Variants in NEXMIF observed in about 807,000 individuals in gnomAD.
NEXMIF encodes the protein XLMR protein related to neurite extension.
Under a neutral mutation model 62.1 loss-of-function variants are expected in NEXMIF, and 8 were observed. The ratio of observed to expected loss-of-function variants is 0.13; its 90% confidence interval spans 0.08 to 0.23. The LOEUF is 0.23. Among genes scored for constraint, NEXMIF ranks in the 10% least tolerant of loss-of-function variants. The probability of loss-of-function intolerance (pLI) is 1.00; values close to 1 mark genes in which losing one functional copy is unlikely to be tolerated. For missense variants in NEXMIF, 976 were observed against 1,113.3 expected (o/e 0.88, Z 1.75); for synonymous variants, 404 against 416.6 (o/e 0.97, Z 0.37).
At chrX:74,876,323 A>G (rs941893967) in intron 1 of NEXMIF, among the ~76,000 whole-genome samples, 1 of 111,498 alleles carries the variant, frequency 9.0e-6, no homozygotes, top group Admixed American at 9.5e-5. Context: ...CTTAATCCTG[A>G]GTTCTAGTTT....
intron 1 of NEXMIF, among the ~76,000 whole-genome samples, chrX:74,839,698 G>T (rs1484992760): frequency 8.9e-6 from 1 of 112,151 alleles, no homozygotes; most frequent in Non-Finnish European, 1.9e-5. Context: ...AGTTTGCTAA[G>T]AATAATAGCC....
At chrX:74,856,784 C>T (rs1361465663) in intron 1 of NEXMIF, among the ~76,000 whole-genome samples, 2 of 111,922 alleles carry the variant, frequency 1.8e-5, no homozygotes, top group Non-Finnish European at 3.8e-5. Context: ...CAGTCTTGAA[C>T]CACTGACATG....
intron 1 of NEXMIF, among the ~76,000 whole-genome samples, chrX:74,774,957 A>G (rs1214361909): frequency 8.9e-6 from 1 of 111,933 alleles, no homozygotes; most frequent in Admixed American, 9.5e-5. Flanking sequence ...AGATAAAAAT[A>G]TCATTATGTG....
chrX:74,886,250 G>A (rs746161095), intron 1 of NEXMIF, among the ~76,000 whole-genome samples: 6 of 111,846 alleles, frequency 5.4e-5, no homozygotes, highest in Non-Finnish European at 7.5e-5. Context: ...AGACAGGGAT[G>A]CCCTCTCTCA....
intron 1 of NEXMIF, among the ~76,000 whole-genome samples, chrX:74,820,807 G>T (rs1391579830): frequency 1.8e-5 from 2 of 111,613 alleles, no homozygotes; most frequent in Non-Finnish European, 3.8e-5. Context: ...TCACTTACAA[G>T]TGGGAGCTAA....
chrX:74,773,908 C>CAAAAAAAA (rs61514458), intron 1 of NEXMIF, among the ~76,000 whole-genome samples: 2 of 38,082 alleles, frequency 5.3e-5, no homozygotes, highest in Non-Finnish European at 8.5e-5. Context: ...GACTCCGTCT[C>CAAAAAAAA]AAAAAAAAAA....
chrX:74,882,846 T>A (rs1364382515), intron 1 of NEXMIF, among the ~76,000 whole-genome samples: 1 of 112,358 alleles, frequency 8.9e-6, no homozygotes, highest in African/African-American at 3.2e-5. Flanking sequence ...GCAGACTGCC[T>A]CCTCAAGTGG....
intron 1 of NEXMIF, among the ~76,000 whole-genome samples, chrX:74,812,849 CA>C (rs2080364718): frequency 9.0e-6 from 1 of 111,660 alleles, no homozygotes; most frequent in Admixed American, 9.6e-5. Context: ...GAGGCAGAAC[CA>C]GGGGCACAGA....
intron 1 of NEXMIF, among the ~76,000 whole-genome samples, chrX:74,841,595 G>A (rs1471309844): frequency 1.8e-5 from 2 of 111,552 alleles, no homozygotes; most frequent in Non-Finnish European, 3.8e-5. Flanking sequence ...TCCCCATTCC[G>A]CATGTTGTTG....
chrX:74,862,747 TAAAG>T (rs1306747859), intron 1 of NEXMIF, among the ~76,000 whole-genome samples: 5 of 111,467 alleles, frequency 4.5e-5, no homozygotes, highest in African/African-American at 1.6e-4. Context: ...ACTGGGTAAA[TAAAG>T]AAATTAAGGC....
intron 1 of NEXMIF, among the ~76,000 whole-genome samples, chrX:74,861,170 A>G (rs748889017): frequency 3.6e-5 from 4 of 111,853 alleles, no homozygotes; most frequent in Non-Finnish European, 7.5e-5. Context: ...TAGAGCTGAA[A>G]ACACAACATA....
chrX:74,874,652 G>A (rs1197946405), intron 1 of NEXMIF, among the ~76,000 whole-genome samples: 28 of 89,585 alleles, frequency 3.1e-4, no homozygotes, highest in African/African-American at 1.1e-3. Flanking sequence ...ATTTGTTTGT[G>A]TCCTCTTTTA....
In NEXMIF at chrX:74,827,786, C is replaced by T. The variant is rs1382376909; in HGVS notation, c.-47-82089G>A. On this transcript the variant is annotated intron_variant, in intron 1 of 3. Transcript: ENST00000055682. The stretch of plus-strand genomic sequence containing the variant: ...ATGTGTACAATTAGTTGTCAAAAGC[C>T]AATGCAAACCAATTCTAGTACACCA... 3.6e-5 allele frequency among the ~76,000 whole-genome samples: 4 copies of T among 111,176 alleles called. No homozygotes were observed. In the East Asian group the frequency reaches 1.1e-3, roughly 31 times the overall value.
intron 1 of NEXMIF, among the ~76,000 whole-genome samples, chrX:74,877,130 A>C (rs997291779): frequency 4.5e-5 from 5 of 111,774 alleles, no homozygotes; most frequent in South Asian, 7.5e-4. Flanking sequence ...CAGCTGGTAC[A>C]GGTCGTTCCT....
intron 1 of NEXMIF, among the ~76,000 whole-genome samples, chrX:74,878,125 T>C (rs1308509033): frequency 7.2e-5 from 8 of 111,627 alleles, no homozygotes; most frequent in Admixed American, 5.7e-4. Flanking sequence ...TGGTTTTATC[T>C]ACTTTTGGTC....
At chrX:74,772,553 C>T (rs1480170598) in intron 1 of NEXMIF, among the ~76,000 whole-genome samples, 1 of 112,414 alleles carries the variant, frequency 8.9e-6, no homozygotes, top group Non-Finnish European at 1.9e-5. Context: ...TCTCTCCAGC[C>T]CCTCCTTGGG....
intron 1 of NEXMIF, among the ~76,000 whole-genome samples, chrX:74,908,434 A>C (rs1054117804): frequency 8.9e-5 from 10 of 112,197 alleles, no homozygotes; most frequent in Non-Finnish European, 1.7e-4. Context: ...TATTGAAGTC[A>C]TATCTAAGGT....
chrX:74,902,651 CAAAT>C (rs1325296312), intron 1 of NEXMIF, among the ~76,000 whole-genome samples: 1 of 111,469 alleles, frequency 9.0e-6, no homozygotes, highest in Non-Finnish European at 1.9e-5. Context: ...ACACTGGAAA[CAAAT>C]GAATAATGGA....
At chrX:74,864,408 A>G (rs772067174) in intron 1 of NEXMIF, among the ~76,000 whole-genome samples, 2 of 112,017 alleles carry the variant, frequency 1.8e-5, no homozygotes, top group African/African-American at 3.2e-5. Context: ...CTGTGTCCCC[A>G]CCCAAACCAC....
Sources: allele counts gnomAD v4.1 joint callset (sites outside exome capture counted in the v4.1 genomes callset), GRCh38; gene constraint gnomAD v4.1.1; transcripts MANE v1.5; gene names NCBI Gene and HGNC (gene_info 2026-07-23, HGNC 2026-07-21).